Variants in TFDP2 observed in about 807,000 individuals in gnomAD.
TFDP2 encodes the protein transcription factor Dp-2 (E2F dimerization partner 2).
In TFDP2, 17 loss-of-function variants were observed where a neutral mutation model predicts 59.3. That is an observed-to-expected ratio of 0.29 (90% CI 0.20 to 0.43). TFDP2 has a LOEUF of 0.43. Among genes scored for constraint, TFDP2 ranks in the 20% least tolerant of loss-of-function variants. The probability of loss-of-function intolerance (pLI) is 1.00; values close to 1 mark genes in which losing one functional copy is unlikely to be tolerated. For synonymous variants in TFDP2, 180 were observed against 194.7 expected (o/e 0.92, Z 0.63); for missense variants, 391 against 528.8 (o/e 0.74, Z 2.56).
chr3:142,027,461 A>C (rs1280606349), intron 3 of TFDP2, among the ~76,000 whole-genome samples: 1 of 151,946 alleles, frequency 6.6e-6, no homozygotes, highest in Non-Finnish European at 1.5e-5. Context: ...CTGAAAGAAG[A>C]AAGACTCTCT....
intron 3 of TFDP2, among the ~76,000 whole-genome samples, chr3:142,041,304 T>C (rs866636728): frequency 1.1e-4 from 17 of 152,346 alleles, no homozygotes; most frequent in South Asian, 6.2e-4. Flanking sequence ...AGAAGTGATA[T>C]GGTTTAGCTG....
chr3:141,998,123 G>A (rs11719793), intron 4 of TFDP2, among the ~76,000 whole-genome samples: 10,640 of 152,092 alleles, frequency 0.07, 473 homozygotes, highest in Non-Finnish European at 0.11. Context: ...GAGAGATGAC[G>A]CACCTGAATA....
At position 142,073,454 on chromosome 3, in the gene TFDP2, AC is replaced by A. The variant is rs1187389160; in HGVS notation, c.82+19606del. On this transcript the variant is annotated intron_variant, in intron 3 of 12. Transcript: ENST00000489671. ...GTGTTAAATGCTTAAAAACAAACAAACAACCCCCCCCCCCCCGCAAAAAAAA... is the reference window on the plus strand; with the variant it reads ...GTGTTAAATGCTTAAAAACAAACAAAAACCCCCCCCCCCCCGCAAAAAAAA... 6.7e-5 allele frequency among the ~76,000 whole-genome samples: 4 copies of A among 59,470 alleles called. No homozygotes were observed. The Admixed American group carries it at 7.5e-4, about 11-fold the overall frequency. The allele number at this position is 59,470 out of a possible 152,430, so 39.0% of individuals were successfully genotyped here. A position where few individuals can be genotyped will look rare whatever the true frequency, so the allele number is the denominator to read the frequency against.
chr3:142,007,965 G>A (rs1438439358), intron 3 of TFDP2, among the ~76,000 whole-genome samples: 1 of 152,162 alleles, frequency 6.6e-6, no homozygotes, highest in Non-Finnish European at 1.5e-5. Context: ...ACAGGCCACG[G>A]ACTGGTACCT....
rs1251071719 is a variant in TFDP2 at position 142,093,080 on chromosome 3, C to A, written c.63G>T (p.Gln21His). ...TNAEVRGFIDQNLSPTKGNIS... is the reference protein window; with the variant it reads ...TNAEVRGFIDHNLSPTKGNIS... ...CCTTACCTTTTGTTGGACTGAGATTCTGATCTATAAATCCTCTTACTTCTG... is the reference window on the plus strand; with the variant it reads ...CCTTACCTTTTGTTGGACTGAGATTATGATCTATAAATCCTCTTACTTCTG... The change falls in exon 3 of 13, where the codon CAG becomes CAT. Residue 21 changes from glutamine to histidine, a missense_variant. Gln to His is a conservative substitution (Grantham distance 24). Transcript: ENST00000489671. 6.5e-7 allele frequency: 1 copy of A among 1,538,430 alleles called. No individual in the cohort carries two copies. Among genetic ancestry groups the A allele is most frequent in the East Asian group, 2.4e-5 (1 of 41,652 alleles).
chr3:142,042,959 C>G (rs1342342553), intron 3 of TFDP2, among the ~76,000 whole-genome samples: 1 of 151,552 alleles, frequency 6.6e-6, no homozygotes, highest in African/African-American at 2.4e-5. Flanking sequence ...TAAGTCTGGT[C>G]TCGAACTCCC....
At chr3:141,973,093 G>GTGTATATA (rs1457558651) in intron 8 of TFDP2, among the ~76,000 whole-genome samples, 8 of 103,190 alleles carry the variant, frequency 7.8e-5, no homozygotes, top group African/African-American at 2.9e-4. Context: ...AAAGCTATGT[G>GTGTATATA]TATATATATA....
intron 3 of TFDP2, among the ~76,000 whole-genome samples, chr3:142,018,104 G>A (rs1481496290): frequency 6.6e-6 from 1 of 152,016 alleles, no homozygotes; most frequent in Non-Finnish European, 1.5e-5. Flanking sequence ...CACCACGCTT[G>A]GCTAATTTTT....
intron 4 of TFDP2, among the ~76,000 whole-genome samples, chr3:142,003,629 C>T (rs76634323): frequency 0.069 from 10,522 of 152,248 alleles, 467 homozygotes; most frequent in Non-Finnish European, 0.1. Flanking sequence ...CTGATTCCTG[C>T]CCAAGAACTC....
At chr3:141,980,606 G>A (rs1230975087) in intron 6 of TFDP2, among the ~76,000 whole-genome samples, 2 of 152,092 alleles carry the variant, frequency 1.3e-5, no homozygotes, top group African/African-American at 4.8e-5. Flanking sequence ...GCAGTGGTAT[G>A]ATCTCAGCTC....
intron 3 of TFDP2, among the ~76,000 whole-genome samples, chr3:142,013,517 A>T (rs1944885310): frequency 6.6e-6 from 1 of 152,212 alleles, no homozygotes; most frequent in South Asian, 2.1e-4. Context: ...TAGGAGCTCG[A>T]CACTGTCCAG....
At chr3:142,061,330 T>C (rs775701058) in intron 3 of TFDP2, among the ~76,000 whole-genome samples, 1 of 152,164 alleles carries the variant, frequency 6.6e-6, no homozygotes, top group South Asian at 2.1e-4. Flanking sequence ...ATATTACCAC[T>C]GCACACTTAC....
At chr3:142,034,999 C>G (rs532974925) in intron 3 of TFDP2, among the ~76,000 whole-genome samples, 2 of 152,316 alleles carry the variant, frequency 1.3e-5, no homozygotes, top group East Asian at 1.9e-4. Context: ...AGCCACCACA[C>G]CCAGCCTTCT....
At chr3:142,050,887 A>C (rs1036642883) in intron 3 of TFDP2, among the ~76,000 whole-genome samples, 1 of 152,116 alleles carries the variant, frequency 6.6e-6, no homozygotes, top group Non-Finnish European at 1.5e-5. Flanking sequence ...AAAATTGTTA[A>C]TATGTCAATT....
At chr3:141,961,222 TC>T (rs1937301644) in intron 10 of TFDP2, among the ~76,000 whole-genome samples, 1 of 151,360 alleles carries the variant, frequency 6.6e-6, no homozygotes, top group African/African-American at 2.4e-5. Flanking sequence ...TTTCCAGAAT[TC>T]TCAGTTTTTT....
At chr3:141,992,767 C>G (rs985191772) in intron 6 of TFDP2, among the ~76,000 whole-genome samples, 4 of 152,220 alleles carry the variant, frequency 2.6e-5, no homozygotes, top group African/African-American at 9.6e-5. Context: ...ATGGTTCTCA[C>G]TCAGAACCTA....
At chr3:141,952,884 C>T (rs1936093938) in intron 12 of TFDP2, 27 bp downstream of exon 12, 4 of 1,606,308 alleles carry the variant, frequency 2.5e-6, no homozygotes, top group Non-Finnish European at 3.4e-6. Flanking sequence ...TGGGGTTTGC[C>T]TTTCTAACCC....
At chr3:142,144,627 G>A (rs913366995) in intron 1 of TFDP2, among the ~76,000 whole-genome samples, 1 of 152,120 alleles carries the variant, frequency 6.6e-6, no homozygotes, top group Admixed American at 6.5e-5. Flanking sequence ...ATGCAGCCTT[G>A]ACTTCCTGGG....
At chr3:141,969,592 AAG>A (rs974052572) in intron 9 of TFDP2, among the ~76,000 whole-genome samples, 13 of 152,026 alleles carry the variant, frequency 8.6e-5, no homozygotes, top group African/African-American at 2.4e-4. Context: ...AGCCTGGCGA[AAG>A]AGTGAGACTC....
Sources: allele counts gnomAD v4.1 joint callset (sites outside exome capture counted in the v4.1 genomes callset), GRCh38; gene constraint gnomAD v4.1.1; transcripts MANE v1.5; gene names NCBI Gene and HGNC (gene_info 2026-07-23, HGNC 2026-07-21).